Variants in AP3D1 observed in about 807,000 individuals in gnomAD.
AP3D1 encodes the protein AP-3 complex subunit delta-1.
A neutral mutation model predicts 147.6 loss-of-function variants in AP3D1; 51 were observed. That is an observed-to-expected ratio of 0.35 (90% CI 0.28 to 0.44). AP3D1 has a LOEUF of 0.44. Among genes scored for constraint, AP3D1 ranks in the 20% least tolerant of loss-of-function variants. The probability of loss-of-function intolerance (pLI) is 1.00; values close to 1 mark genes in which losing one functional copy is unlikely to be tolerated. For synonymous variants in AP3D1, 760 were observed against 663.0 expected, an observed-to-expected ratio of 1.15 and a Z score of -2.25; for missense variants, 1,421 against 1,624.2, an observed-to-expected ratio of 0.87 and a Z score of 2.15.
intron 29 of AP3D1, chr19:2,109,485 G>T: frequency 2.0e-6 from 1 of 506,832 alleles, no homozygotes; most frequent in South Asian, 2.7e-5. Context: ...CTGTAGGAAG[G>T]GACTGGGGGG....
rs56862829 is a variant in AP3D1, at chr19:2,129,707, A to G, written c.593-250T>C. The stretch of plus-strand genomic sequence containing the variant: ...GCACTGTTGCCAGGAACAAGTGCGC[A>G]CAAGCGTCACCAAGCTCAGGACAGC... On this transcript the variant is annotated intron_variant, in intron 6 of 31. Coordinates refer to ENST00000643116, the MANE Select transcript of AP3D1 (RefSeq NM_001261826.3). 0.041 allele frequency among the ~76,000 whole-genome samples: 6,276 copies of G among 152,284 alleles called. 197 individuals are homozygous for G. Among genetic ancestry groups the G allele is most frequent in the East Asian group, 0.14 (733 of 5,164 alleles).
At chr19:2,110,022 C>CCCCAG (rs1320589162) in intron 28 of AP3D1, 64 bp from the exon 29 acceptor site, 33 of 1,593,148 alleles carry the variant, frequency 2.1e-5, no homozygotes, top group Non-Finnish European at 2.8e-5. Flanking sequence ...GCTCAGGGTT[C>CCCCAG]CCCAGGCAGG....
At chr19:2,117,196 C>T in intron 16 of AP3D1, 26 bp downstream of exon 16, 2 of 1,562,586 alleles carry the variant, frequency 1.3e-6, no homozygotes, top group Non-Finnish European at 8.7e-7. Context: ...GCCATGGTTG[C>T]AATGCCCCCA....
chr19:2,117,497 A>G (rs1682772188), intron 15 of AP3D1, 130 bp from the exon 16 acceptor site: 1 of 1,025,884 alleles, frequency 9.7e-7, no homozygotes, highest in Non-Finnish European at 1.3e-6. Flanking sequence ...ATAGCCACAG[A>G]GAGCCCAGCC....
chr19:2,112,696 A>G, intron 24 of AP3D1, 164 bp downstream of exon 24: 1 of 565,216 alleles, frequency 1.8e-6, no homozygotes, highest in Non-Finnish European at 3.1e-6. Context: ...GTTATTAAAA[A>G]AACACAAGAC....
chr19:2,123,996 G>C, intron 9 of AP3D1, 117 bp from the exon 10 acceptor site: 1 of 1,155,506 alleles, frequency 8.7e-7, no homozygotes, highest in South Asian at 1.3e-5. Flanking sequence ...AGGGAGGACA[G>C]AAATGCCACT....
rs2145121593 is a variant in AP3D1, at chr19:2,132,546, A to G, written c.387T>C (p.Gly129=). The part of the protein sequence containing the change: ...DLSSPSQYDT[G]VALTGLSCFV... The stretch of plus-strand genomic sequence containing the variant: ...AGCAGGACAGACCCGTCAGTGCAAC[A>G]CCTGTGTCGTACTGGCTGGGGCTGC... Residue 129 remains glycine (G), a synonymous_variant, in exon 5 of 32, where the codon GGT becomes GGC. Transcript: ENST00000643116. 1 of 1,610,912 alleles carries G rather than the reference A, an allele frequency of 6.2e-7. No individual in the cohort carries two copies. Among genetic ancestry groups the G allele is most frequent in the Non-Finnish European group, 8.5e-7 (1 of 1,177,448 alleles).
Position 2,131,512 on chromosome 19 carries a change from G to GT in AP3D1, c.462+958_462+959insA. Among the ~76,000 whole-genome samples, 164 of 122,528 alleles carry GT rather than the reference G, an allele frequency of 1.3e-3. 11 individuals are homozygous for GT. The highest frequency in any genetic ancestry group is 4.9e-3 in the African/African-American group (159 of 32,166). The allele number at this position is 122,528 out of a possible 152,430, so 80.4% of individuals were successfully genotyped here. A position where few individuals can be genotyped will look rare whatever the true frequency, so the allele number is the denominator to read the frequency against. The stretch of plus-strand genomic sequence containing the variant: ...GTGGACAGGCAGCCACGAGGGGACA[G>GT]GGCCCATCGGCCACGATCTAGGCAC... On this transcript the variant is annotated intron_variant, in intron 5 of 31. Coordinates refer to ENST00000643116, the MANE Select transcript of AP3D1 (RefSeq NM_001261826.3).
upstream of AP3D1, chr19:2,164,540 C>A (rs1426601720): frequency 7.2e-6 from 2 of 279,466 alleles, no homozygotes; most frequent in Non-Finnish European, 1.3e-5. Flanking sequence ...CTGTCCCGGG[C>A]GCGGAACGGA....
At chr19:2,130,607 G>A (rs1031347037) in intron 5 of AP3D1, 70 bp from the exon 6 acceptor site, 80 of 1,593,002 alleles carry the variant, frequency 5.0e-5, no homozygotes, top group Admixed American at 6.7e-5. Flanking sequence ...CCTCCCAGCC[G>A]CCTCCTCCAC....
In AP3D1 at chr19:2,129,048, C is replaced by T. The variant is rs528049987; in HGVS notation, c.806+42G>A. 34 of 1,495,864 alleles carry T rather than the reference C, an allele frequency of 2.3e-5. 1 individual carries two copies. The highest frequency in any genetic ancestry group is 5.6e-5 in the African/African-American group (4 of 71,084). 92.7% of individuals were successfully genotyped at this position (1,495,864 alleles called of 1,614,324 possible). A position where few individuals can be genotyped will look rare whatever the true frequency, so the allele number is the denominator to read the frequency against. ...CCCCCGCCGCTCCGACACTGCACCC[C>T]GTGGAGCCGGCCCGCCCCCACCGCG... On this transcript the variant is annotated intron_variant, in intron 8 of 31. Transcript: ENST00000643116.
chr19:2,105,898 C>G (rs1251109342), intron 31 of AP3D1, among the ~76,000 whole-genome samples: 1 of 151,860 alleles, frequency 6.6e-6, no homozygotes, highest in African/African-American at 2.4e-5. Flanking sequence ...CCAGCCTGAC[C>G]AACATGGTGA....
In AP3D1 at chr19:2,120,221, C is replaced by A. The variant is rs116986611; in HGVS notation, c.1481+641G>T. On this transcript the variant is annotated intron_variant, in intron 14 of 31. Transcript: ENST00000643116. ...CTGCTGTGAGAACCGTGAGTCTCAG[C>A]AACACATTCCCACCTCCAGGCAGGC... 2.1e-4 allele frequency among the ~76,000 whole-genome samples: 32 copies of A among 152,344 alleles called. No homozygotes were observed. The East Asian group carries it at 4.6e-3, about 22-fold the overall frequency.
intron 18 of AP3D1, 101 bp from the exon 19 acceptor site, chr19:2,115,714 T>A: frequency 7.8e-7 from 1 of 1,279,812 alleles, no homozygotes; most frequent in Non-Finnish European, 1.1e-6. Flanking sequence ...CCCAACATCC[T>A]AAGGAGCTGG....
rs371294373 is a variant in AP3D1, at chr19:2,129,209, G to A, written c.733-46C>T. On this transcript the variant is annotated intron_variant, in intron 7 of 31. Transcript: ENST00000643116. ...CGGTCACCCGCAGGGAATGCCCCAC[G>A]CAGGGTGAGGGACAGGGGGGGCCTC... is the stretch of plus-strand genomic sequence containing the variant. The A allele has an allele frequency of 7.2e-5, 115 of 1,606,958 alleles. 1 individual carries two copies. The highest frequency in any genetic ancestry group is 2.7e-4 in the African/African-American group (20 of 73,640).
chr19:2,133,822 C>T (rs1307902460), intron 4 of AP3D1, among the ~76,000 whole-genome samples: 1 of 150,828 alleles, frequency 6.6e-6, no homozygotes, highest in Non-Finnish European at 1.5e-5. Flanking sequence ...TTTAAAAGGA[C>T]ACAGTGGCCG....
chr19:2,116,266 G>A lies in AP3D1; in HGVS notation c.2014C>T (p.Arg672Trp), dbSNP rs745552401. 5.0e-6 allele frequency: 8 copies of A among 1,614,054 alleles called. No individual in the cohort carries two copies. The highest frequency in any genetic ancestry group is 4.5e-5 in the East Asian group (2 of 44,878). The change falls in exon 18 of 32, where the codon CGG becomes TGG. Residue 672 changes from arginine to tryptophan, a missense_variant. Around this residue, in one of 6 missense-constraint regions of AP3D1, gnomAD observed 791 missense variants for 761.4 expected, o/e 1.04. Coordinates refer to ENST00000643116, the MANE Select transcript of AP3D1 (RefSeq NM_001261826.3). ...EEELARRREA[R>W]KQEQANNPFY... ...GGGTTGTTGGCCTGCTCCTGCTTCC[G>A]GGCCTCTCGGCGCTGTGGGACACAG...
intron 1 of AP3D1, chr19:2,164,344 A>G: frequency 9.8e-7 from 1 of 1,019,930 alleles, no homozygotes; most frequent in Non-Finnish European, 1.3e-6. Context: ...AACCCCCCCA[A>G]GCCGCGCTCA....
Position 2,121,323 on chromosome 19 carries a change from T to G in AP3D1, c.1102-12A>C, listed in dbSNP as rs764405551. ...TTCTTCTTGGACACCTGGGCAAAAGTGTACAGACAGTGGTGAGAGCGGACC... is the reference window on the plus strand; with the variant it reads ...TTCTTCTTGGACACCTGGGCAAAAGGGTACAGACAGTGGTGAGAGCGGACC... On this transcript the variant is annotated splice_polypyrimidine_tract_variant and intron_variant, in intron 12 of 31. Transcript: ENST00000643116. 6.2e-7 allele frequency: 1 copy of G among 1,613,806 alleles called. No homozygotes were observed. The highest frequency in any genetic ancestry group is 8.5e-7 in the Non-Finnish European group (1 of 1,179,952).
Sources: gnomAD v4.1 joint callset for allele counts (sites outside exome capture counted in the v4.1 genomes callset) on GRCh38, gnomAD v4.1.1 for gene constraint, gnomAD v4.1.1 regional missense constraint, MANE v1.5 for transcripts, NCBI Gene and HGNC (gene_info 2026-07-23, HGNC 2026-07-21) for gene names.